LHFPL3: variants seen among roughly 807,000 people sequenced by gnomAD.
The protein encoded by LHFPL3 is LHFPL tetraspan subfamily member 3 protein.
Under a neutral mutation model 19.3 loss-of-function variants are expected in LHFPL3, and 5 were observed. That is an observed-to-expected ratio of 0.26 (90% confidence interval 0.14 to 0.54). The LOEUF (loss-of-function observed/expected upper bound fraction) is 0.54. Among genes scored for constraint, LHFPL3 ranks in the 20% least tolerant of loss-of-function variants. The pLI, the probability that LHFPL3 is intolerant of heterozygous loss-of-function variation, is 0.94. For missense variants in LHFPL3, 249 were observed against 307.4 expected (o/e 0.81, Z 1.42); for synonymous variants, 133 against 126.2 (o/e 1.05, Z -0.36).
At chr7:104,615,692 C>G (rs1440460416) in intron 1 of LHFPL3, among the ~76,000 whole-genome samples, 1 of 151,518 alleles carries the variant, frequency 6.6e-6, no homozygotes, top group Non-Finnish European at 1.5e-5. Context: ...CACCCCCTGA[C>G]AGGCCCCAGT....
intron 1 of LHFPL3, among the ~76,000 whole-genome samples, chr7:104,729,126 T>C (rs1003670173): frequency 6.6e-6 from 1 of 152,220 alleles, no homozygotes; most frequent in Non-Finnish European, 1.5e-5. Flanking sequence ...GGTGCCACAC[T>C]ATTTTGCAGT....
chr7:104,457,003 A>G (rs17137740), intron 1 of LHFPL3, among the ~76,000 whole-genome samples: 5 of 152,212 alleles, frequency 3.3e-5, no homozygotes, highest in Non-Finnish European at 7.3e-5. Context: ...GTACATTCCA[A>G]TATGGAAACT....
intron 2 of LHFPL3, among the ~76,000 whole-genome samples, chr7:104,747,757 CATT>C (rs1794076933): frequency 6.6e-6 from 1 of 152,146 alleles, no homozygotes; most frequent in Non-Finnish European, 1.5e-5. Flanking sequence ...CAAGCCTTAT[CATT>C]ATTATTATGC....
intron 1 of LHFPL3, among the ~76,000 whole-genome samples, chr7:104,643,160 C>T (rs922102914): frequency 4.6e-5 from 7 of 152,096 alleles, no homozygotes; most frequent in African/African-American, 1.7e-4. Flanking sequence ...TTGGTAGAGC[C>T]TAATTTGTTC....
In LHFPL3 at chr7:104,341,274, A is replaced by G. The variant is rs149067683; in HGVS notation, c.445+12050A>G. Among the ~76,000 whole-genome samples the G allele has an allele frequency of 1.1e-3, 166 of 152,348 alleles. 1 individual carries two copies. The highest frequency in any genetic ancestry group is 3.8e-3 in the African/African-American group (158 of 41,588). Reference sequence around the variant, plus strand: ...TTATGTTGTTCTATTTTTCATTAACATGTTAATTCCTCCTTGTATTTCTTT... The same window carrying G: ...TTATGTTGTTCTATTTTTCATTAACGTGTTAATTCCTCCTTGTATTTCTTT... On this transcript the variant is annotated intron_variant, in intron 1 of 2. Transcript: ENST00000424859.
intron 1 of LHFPL3, among the ~76,000 whole-genome samples, chr7:104,550,878 T>C (rs1794650013): frequency 6.6e-6 from 1 of 152,172 alleles, no homozygotes; most frequent in Non-Finnish European, 1.5e-5. Flanking sequence ...TTGATACTTC[T>C]TTTTTTCAGC....
At chr7:104,800,573 A>T (rs933163938) in intron 2 of LHFPL3, among the ~76,000 whole-genome samples, 1 of 152,174 alleles carries the variant, frequency 6.6e-6, no homozygotes, top group Non-Finnish European at 1.5e-5. Flanking sequence ...TGTCAAATGC[A>T]GGATGTCTTG....
chr7:104,836,905 G>A (rs993375394), intron 2 of LHFPL3, among the ~76,000 whole-genome samples: 2 of 152,192 alleles, frequency 1.3e-5, no homozygotes, highest in African/African-American at 4.8e-5. Context: ...ACCCAGTCTT[G>A]TATCTGGGTT....
intron 1 of LHFPL3, among the ~76,000 whole-genome samples, chr7:104,373,027 A>C (rs1790644243): frequency 7.2e-6 from 1 of 139,412 alleles, no homozygotes; most frequent in South Asian, 2.3e-4. Flanking sequence ...CTGGGCAAAT[A>C]AGTTTGTGAA....
chr7:104,418,361 C>T (rs956349378), intron 1 of LHFPL3, among the ~76,000 whole-genome samples: 3 of 152,008 alleles, frequency 2.0e-5, no homozygotes, highest in African/African-American at 7.2e-5. Flanking sequence ...ACTAAGACCC[C>T]ATCTCTATAA....
intron 1 of LHFPL3, among the ~76,000 whole-genome samples, chr7:104,669,852 G>A (rs535090085): frequency 6.6e-6 from 1 of 152,220 alleles, no homozygotes; most frequent in Non-Finnish European, 1.5e-5. Flanking sequence ...AGTTGCCAGT[G>A]TGATTAGTGC....
At chr7:104,883,504 A>C (rs1792092408) in intron 2 of LHFPL3, among the ~76,000 whole-genome samples, 1 of 152,184 alleles carries the variant, frequency 6.6e-6, no homozygotes, top group South Asian at 2.1e-4. Flanking sequence ...TAGAATACAG[A>C]AGCCCGGGGA....
intron 1 of LHFPL3, among the ~76,000 whole-genome samples, chr7:104,612,748 A>G (rs1282241745): frequency 1.3e-5 from 2 of 152,216 alleles, no homozygotes; most frequent in African/African-American, 4.8e-5. Flanking sequence ...AATGCTGTGA[A>G]GGACGATGAC....
chr7:104,745,849 T>G (rs1794036394), intron 2 of LHFPL3, among the ~76,000 whole-genome samples: 1 of 152,184 alleles, frequency 6.6e-6, no homozygotes, highest in Admixed American at 6.5e-5. Context: ...CTTGAAAAAC[T>G]TAGGTCAACA....
At chr7:104,756,558 G>A (rs1336818346) in intron 2 of LHFPL3, among the ~76,000 whole-genome samples, 1 of 152,068 alleles carries the variant, frequency 6.6e-6, no homozygotes, top group Non-Finnish European at 1.5e-5. Context: ...GAAGTGCAGT[G>A]GTGCCCTCTC....
At chr7:104,339,888 G>A (rs868344549) in intron 1 of LHFPL3, among the ~76,000 whole-genome samples, 1 of 152,104 alleles carries the variant, frequency 6.6e-6, no homozygotes, top group African/African-American at 2.4e-5. Context: ...CACATTACTG[G>A]CTCTATGTCA....
rs10081289 is a variant in LHFPL3, at chr7:104,798,790, T to C, written c.682+61879T>C. Among the ~76,000 whole-genome samples the C allele has an allele frequency of 8.5e-3, 1,294 of 152,298 alleles. 23 individuals are homozygous for C. Among genetic ancestry groups the C allele is most frequent in the African/African-American group, 0.028 (1,172 of 41,562 alleles). On this transcript the variant is annotated intron_variant, in intron 2 of 2. Transcript: ENST00000424859. ...AATAATAGCTATAATACCTCTTCCA[T>C]ATATTCATCTACATCTTCTTTAAAG...
chr7:104,566,372 C>T (rs544153705), intron 1 of LHFPL3, among the ~76,000 whole-genome samples: 1 of 152,158 alleles, frequency 6.6e-6, no homozygotes, highest in East Asian at 1.9e-4. Context: ...AACTCACCTT[C>T]TTCCTACACA....
At position 104,864,114 on chromosome 7, in the gene LHFPL3, G is replaced by C. The variant is rs192441482; in HGVS notation, c.683-42073G>C. Among the ~76,000 whole-genome samples, 15 of 152,310 alleles carry C rather than the reference G, an allele frequency of 9.8e-5. No individual in the cohort carries two copies. The East Asian group carries it at 2.3e-3, about 23-fold the overall frequency. On this transcript the variant is annotated intron_variant, in intron 2 of 2. Coordinates refer to ENST00000424859, the MANE Select transcript of LHFPL3 (RefSeq NM_199000.3). ...TCAACAAATAAACAGAGCCCCTTCT[G>C]TGTAAAAGTTCTGTACAAGGGAGCC...
Sources: gnomAD v4.1 joint callset for allele counts (sites outside exome capture counted in the v4.1 genomes callset) on GRCh38, gnomAD v4.1.1 for gene constraint, MANE v1.5 for transcripts, NCBI Gene and HGNC (gene_info 2026-07-23, HGNC 2026-07-21) for gene names.